Variants in PALM2AKAP2 observed in about 807,000 individuals in gnomAD.
PALM2AKAP2 encodes the protein PALM2 and AKAP2 fusion.
In PALM2AKAP2, 37 loss-of-function variants were observed where a neutral mutation model predicts 71.5. The ratio of observed to expected loss-of-function variants is 0.52; its 90% CI spans 0.40 to 0.68. The LOEUF is 0.68. PALM2AKAP2 is among the 30% of genes least tolerant of loss of function. The probability of loss-of-function intolerance (pLI) is 0.00; values close to 1 mark genes in which losing one functional copy is unlikely to be tolerated. For missense variants in PALM2AKAP2, 1,224 were observed against 1,191.8 expected (o/e 1.03, Z -0.40); for synonymous variants, 468 against 478.8 (o/e 0.98, Z 0.29).
At chr9:109,755,049 A>G (rs1295035705) in intron 1 of PALM2AKAP2, among the ~76,000 whole-genome samples, 1 of 151,726 alleles carries the variant, frequency 6.6e-6, no homozygotes, top group African/African-American at 2.4e-5. Context: ...TAGAACCTCC[A>G]CCTCTGCCAC....
At chr9:109,713,081 G>A (rs1483105094) in intron 1 of PALM2AKAP2, among the ~76,000 whole-genome samples, 1 of 152,184 alleles carries the variant, frequency 6.6e-6, no homozygotes, top group Non-Finnish European at 1.5e-5. Flanking sequence ...TGGCTTTCTG[G>A]TCTCTTAGAC....
At chr9:110,096,503 G>A (rs910821036) in intron 1 of PALM2AKAP2, among the ~76,000 whole-genome samples, 3 of 151,460 alleles carry the variant, frequency 2.0e-5, no homozygotes, top group African/African-American at 7.3e-5. Context: ...CTAGGCTCAA[G>A]TGATCTTCCC....
At chr9:109,848,980 T>C (rs1444474003) in intron 1 of PALM2AKAP2, among the ~76,000 whole-genome samples, 1 of 152,104 alleles carries the variant, frequency 6.6e-6, no homozygotes, top group African/African-American at 2.4e-5. Flanking sequence ...ATTTATAGTG[T>C]TAACTTTGAT....
intron 3 of PALM2AKAP2, among the ~76,000 whole-genome samples, chr9:110,163,521 G>T (rs1410659420): frequency 2.1e-4 from 32 of 152,098 alleles, no homozygotes; most frequent in Admixed American, 2.1e-3. Context: ...AACTATTTTT[G>T]AGCTTGTTGT....
chr9:109,937,481 A>G (rs1214506806), intron 6 of PALM2AKAP2, among the ~76,000 whole-genome samples: 1 of 152,166 alleles, frequency 6.6e-6, no homozygotes, highest in Non-Finnish European at 1.5e-5. Context: ...AGCTAGCAAC[A>G]TTCGTTCTTA....
chr9:110,045,035 GTT>G (rs1363162582), upstream of PALM2AKAP2, among the ~76,000 whole-genome samples: 3 of 152,030 alleles, frequency 2.0e-5, no homozygotes, highest in Non-Finnish European at 4.4e-5. Flanking sequence ...TACTTTGTGT[GTT>G]TTTCTAGAAA....
rs58922983 is a variant in PALM2AKAP2 at position 109,865,096 on chromosome 9, C to CTTTTTTTTTTTTTTTTT, written c.46-2391_46-2375dup. On this transcript the variant is annotated intron_variant, in intron 1 of 9. Coordinates refer to the PALM2AKAP2 transcript ENST00000302798. ...GTATCTACCTAAATCCTACTCATTC[C>CTTTTTTTTTTTTTTTTT]TTTTTTTTTTTTTTTTTTTTGAGAC... Among the ~76,000 whole-genome samples, 16 of 75,648 alleles carry CTTTTTTTTTTTTTTTTT rather than the reference C, an allele frequency of 2.1e-4. 2 individuals carry two copies. The highest frequency in any genetic ancestry group is 4.2e-4 in the Admixed American group (2 of 4,816). The allele number at this position is 75,648 out of a possible 152,430, so 49.6% of individuals were successfully genotyped here.
At chr9:109,731,726 T>C (rs1786248099) in intron 1 of PALM2AKAP2, among the ~76,000 whole-genome samples, 1 of 152,104 alleles carries the variant, frequency 6.6e-6, no homozygotes, top group African/African-American at 2.4e-5. Context: ...TTGTGAAAAA[T>C]TTTGTAATAT....
chr9:109,839,890 C>T (rs1335406235), intron 1 of PALM2AKAP2, among the ~76,000 whole-genome samples: 1 of 152,200 alleles, frequency 6.6e-6, no homozygotes, highest in Non-Finnish European at 1.5e-5. Flanking sequence ...GAAGAATATT[C>T]CATGCTCATG....
intron 1 of PALM2AKAP2, among the ~76,000 whole-genome samples, chr9:109,675,634 T>G (rs1827636808): frequency 6.6e-6 from 1 of 152,228 alleles, no homozygotes; most frequent in African/African-American, 2.4e-5. Context: ...GTTATTCAGC[T>G]GTAACATTGC....
intron 1 of PALM2AKAP2, among the ~76,000 whole-genome samples, chr9:110,101,511 C>T (rs78589604): frequency 0.018 from 2,774 of 152,158 alleles, 70 homozygotes; most frequent in African/African-American, 0.063. Context: ...GGTAGTCACA[C>T]GCTTTCAGGG....
intron 1 of PALM2AKAP2, among the ~76,000 whole-genome samples, chr9:110,095,407 T>C (rs1177393757): frequency 6.6e-6 from 1 of 152,178 alleles, no homozygotes; most frequent in Non-Finnish European, 1.5e-5. Flanking sequence ...TTTGTGAGTT[T>C]CACTGGGGAT....
chr9:109,867,836 T>C (rs1829496592), intron 2 of PALM2AKAP2, among the ~76,000 whole-genome samples: 1 of 152,282 alleles, frequency 6.6e-6, no homozygotes, highest in South Asian at 2.1e-4. Context: ...GTGGTGGCTA[T>C]ATATAGAAAT....
At chr9:110,062,781 A>C (rs1833990744) in intron 1 of PALM2AKAP2, among the ~76,000 whole-genome samples, 1 of 152,216 alleles carries the variant, frequency 6.6e-6, no homozygotes, top group South Asian at 2.1e-4. Flanking sequence ...AAGGAAGTTA[A>C]ATTTTGGGAC....
intron 1 of PALM2AKAP2, among the ~76,000 whole-genome samples, chr9:109,836,848 G>C (rs1828493697): frequency 6.6e-6 from 1 of 152,108 alleles, no homozygotes; most frequent in Admixed American, 6.6e-5. Context: ...AAAAAGAAAT[G>C]AACAAAGCCT....
chr9:110,046,764 G>A (rs1208547251), upstream of PALM2AKAP2, among the ~76,000 whole-genome samples: 5 of 152,066 alleles, frequency 3.3e-5, no homozygotes, highest in Non-Finnish European at 7.3e-5. Flanking sequence ...CACTTCACCC[G>A]GCCTTGCTTT....
At chr9:109,782,738 GTT>G (rs1474779771) in intron 1 of PALM2AKAP2, among the ~76,000 whole-genome samples, 1 of 131,326 alleles carries the variant, frequency 7.6e-6, no homozygotes, top group Non-Finnish European at 1.5e-5. Flanking sequence ...AACAGCGTGT[GTT>G]TGTTTGTGTG....
At chr9:109,975,750 C>G (rs938359705) in intron 6 of PALM2AKAP2, among the ~76,000 whole-genome samples, 1 of 152,128 alleles carries the variant, frequency 6.6e-6, no homozygotes, top group Non-Finnish European at 1.5e-5. Flanking sequence ...GGGCAGAGAA[C>G]CTGCAAAAAT....
intron 1 of PALM2AKAP2, among the ~76,000 whole-genome samples, chr9:109,824,597 T>C (rs1828094444): frequency 1.3e-5 from 2 of 152,360 alleles, no homozygotes; most frequent in African/African-American, 4.8e-5. Context: ...GGCTGTAATA[T>C]TCCCTACAGA....
Sources: gnomAD v4.1 joint callset for allele counts (sites outside exome capture counted in the v4.1 genomes callset) on GRCh38, gnomAD v4.1.1 for gene constraint, MANE v1.5 for transcripts, NCBI Gene and HGNC (gene_info 2026-07-23, HGNC 2026-07-21) for gene names.